BORA: variants seen among roughly 807,000 people sequenced by gnomAD.
The protein encoded by BORA is BORA aurora kinase A activator.
Under a neutral mutation model 55.8 loss-of-function variants are expected in BORA, and 26 were observed. The observed-to-expected ratio is 0.47, with a 90% CI of 0.34 to 0.65. BORA has a LOEUF of 0.65. BORA is among the 30% of genes least tolerant of loss of function. The pLI, the probability that BORA is intolerant of heterozygous loss-of-function variation, is 0.01. For missense variants in BORA, 568 were observed against 671.5 expected (o/e 0.85, Z 1.70); for synonymous variants, 201 against 216.9 (o/e 0.93, Z 0.64).
intron 5 of BORA, among the ~76,000 whole-genome samples, chr13:72,742,258 A>AG (rs57339955): frequency 1.9e-5 from 1 of 53,646 alleles, no homozygotes; most frequent in Non-Finnish European, 3.8e-5. Flanking sequence ...TTTTGGGGGG[A>AG]GGGGGGGTTT....
At chr13:72,740,293 AAAT>A (rs2033009727) in intron 5 of BORA, among the ~76,000 whole-genome samples, 2 of 152,096 alleles carry the variant, frequency 1.3e-5, no homozygotes, top group Admixed American at 6.6e-5. Flanking sequence ...GCTGTGCTGA[AAAT>A]AATAAAGTCC....
In BORA at chr13:72,727,982, C is replaced by T. The variant is rs1342543942; in HGVS notation, c.-41C>T. On this transcript the variant is annotated 5_prime_UTR_variant, in exon 1 of 12. Coordinates refer to ENST00000390667, the MANE Select transcript of BORA (RefSeq NM_024808.5). Reference sequence around the variant, plus strand: ...CCCCCGGAGCTCCCTGGAGTCGGTACTGGGGGCTTCGTTTTGTACGCACCG... The same window carrying T: ...CCCCCGGAGCTCCCTGGAGTCGGTATTGGGGGCTTCGTTTTGTACGCACCG... 1.3e-6 allele frequency: 2 copies of T among 1,549,256 alleles called. No homozygotes were observed. Among genetic ancestry groups the T allele is most frequent in the Non-Finnish European group, 1.7e-6 (2 of 1,146,714 alleles).
In BORA at chr13:72,755,674, T is replaced by C. The variant is rs2033443234; in HGVS notation, c.*458T>C. ...AGAAATCTTAGATATAAAACTAACT[T>C]TTCAAAGATACAAAAGAAATTAAAC... On this transcript the variant is annotated 3_prime_UTR_variant, in exon 12 of 12. Coordinates refer to ENST00000390667, the MANE Select transcript of BORA (RefSeq NM_024808.5). 1 of 391,010 alleles carries C rather than the reference T, an allele frequency of 2.6e-6. No homozygotes were observed. The highest frequency in any genetic ancestry group is 2.1e-5 in the African/African-American group (1 of 48,474). 24.2% of individuals were successfully genotyped at this position (391,010 alleles called of 1,614,324 possible). A position where few individuals can be genotyped will look rare whatever the true frequency, so the allele number is the denominator to read the frequency against.
chr13:72,750,348 AAAG>A (rs1207898451), intron 10 of BORA, among the ~76,000 whole-genome samples: 4 of 152,356 alleles, frequency 2.6e-5, no homozygotes, highest in Non-Finnish European at 4.4e-5. Flanking sequence ...AAGGAAGGTT[AAAG>A]AAGAAGTAAT....
In BORA at chr13:72,729,088, T is replaced by G; in HGVS notation, c.148T>G (p.Leu50Val). The G allele has an allele frequency of 6.4e-7, 1 of 1,557,346 alleles. No homozygotes were observed. Among genetic ancestry groups the G allele is most frequent in the Non-Finnish European group, 8.6e-7 (1 of 1,158,380 alleles). ...TCCTTCTGTTTTTAAATCAACAAAATTACCAGTAAGTTATTCCTGACTAGT... is the reference window on the plus strand; with the variant it reads ...TCCTTCTGTTTTTAAATCAACAAAAGTACCAGTAAGTTATTCCTGACTAGT... ...ASPSVFKSTK[L>V]PTPGKFRWSI... Residue 50 changes from leucine (L) to valine (V), a missense_variant, in exon 2 of 12, where the codon TTA becomes GTA. Physicochemically the swap from Leu to Val is conservative, Grantham distance 32. Coordinates refer to ENST00000390667, the MANE Select transcript of BORA (RefSeq NM_024808.5).
chr13:72,733,405 T>G (rs1438499749), intron 3 of BORA, among the ~76,000 whole-genome samples: 1 of 152,232 alleles, frequency 6.6e-6, no homozygotes, highest in East Asian at 1.9e-4. Context: ...ATATGCATCA[T>G]ACTGGTGTTC....
intron 5 of BORA, among the ~76,000 whole-genome samples, chr13:72,740,641 C>T (rs1593811394): frequency 6.6e-6 from 1 of 152,150 alleles, no homozygotes; most frequent in South Asian, 2.1e-4. Flanking sequence ...ATACTTAAGC[C>T]TTTACTGACC....
chr13:72,741,447 A>T (rs1170054438), intron 5 of BORA, among the ~76,000 whole-genome samples: 2 of 152,184 alleles, frequency 1.3e-5, no homozygotes, highest in African/African-American at 4.8e-5. Flanking sequence ...ATATGTTTCA[A>T]TTGGAGTTGC....
At chr13:72,739,541 G>A (rs990249951) in intron 5 of BORA, among the ~76,000 whole-genome samples, 1 of 152,164 alleles carries the variant, frequency 6.6e-6, no homozygotes, top group Non-Finnish European at 1.5e-5. Flanking sequence ...GAGATAGTGT[G>A]TCCCACCAGA....
chr13:72,736,455 A>G (rs1017706342), intron 4 of BORA, among the ~76,000 whole-genome samples: 4 of 152,136 alleles, frequency 2.6e-5, no homozygotes, highest in African/African-American at 9.7e-5. Flanking sequence ...TTTTCGACAA[A>G]TAGGATTATC....
intron 5 of BORA, 72 bp from the exon 6 acceptor site, chr13:72,743,465 C>A: frequency 9.2e-7 from 1 of 1,086,790 alleles, no homozygotes; most frequent in Non-Finnish European, 1.3e-6. Flanking sequence ...TAATTTTTTA[C>A]TTTGGAAAAA....
At chr13:72,743,173 CAAAGA>C (rs1424388886) in intron 5 of BORA, among the ~76,000 whole-genome samples, 1 of 151,998 alleles carries the variant, frequency 6.6e-6, no homozygotes, top group Non-Finnish European at 1.5e-5. Flanking sequence ...GTTCCCACCA[CAAAGA>C]AAAGTATTTG....
At chr13:72,752,330 T>C (rs150714812) in intron 10 of BORA, 1 of 152,356 alleles carries the variant, frequency 6.6e-6, no homozygotes, top group Non-Finnish European at 1.5e-5. Flanking sequence ...ACAAGGTATC[T>C]GTTGCCTGGT....
chr13:72,728,076 C>T, intron 1 of BORA, 69 bp downstream of exon 1: 1 of 1,543,430 alleles, frequency 6.5e-7, no homozygotes, highest in Non-Finnish European at 8.8e-7. Flanking sequence ...TTCCCAGCTC[C>T]TGACTTGCCT....
intron 1 of BORA, among the ~76,000 whole-genome samples, 198 bp from the exon 2 acceptor site, chr13:72,728,728 A>G (rs978896867): frequency 1.2e-4 from 19 of 152,198 alleles, no homozygotes; most frequent in Non-Finnish European, 2.8e-4. Flanking sequence ...AGTTACTGCT[A>G]TAGCTTTCAA....
At chr13:72,730,719 C>T (rs2032793073) in intron 2 of BORA, among the ~76,000 whole-genome samples, 1 of 151,860 alleles carries the variant, frequency 6.6e-6, no homozygotes, top group African/African-American at 2.4e-5. Context: ...TGTGATTTTT[C>T]TCGTATTACG....
intron 10 of BORA, among the ~76,000 whole-genome samples, chr13:72,747,509 T>C (rs2033174818): frequency 6.6e-6 from 1 of 151,948 alleles, no homozygotes; most frequent in African/African-American, 2.4e-5. Context: ...CTTTATGTGA[T>C]TTAGGGGGGA....
At position 72,744,823 on chromosome 13, in the gene BORA, T is replaced by C. The variant is rs534058486; in HGVS notation, c.512-158T>C. Among the ~76,000 whole-genome samples the C allele has an allele frequency of 5.3e-5, 8 of 152,332 alleles. No individual in the cohort carries two copies. In the South Asian group the frequency reaches 1.7e-3, roughly 32 times the overall value. On this transcript the variant is annotated intron_variant, in intron 7 of 11. Coordinates refer to ENST00000390667, the MANE Select transcript of BORA (RefSeq NM_024808.5). ...GTAGCACTTAAAAACTAAGGAATAA[T>C]TTAAGATGTAAAACATCAAATATGC...
At chr13:72,734,928 C>T in intron 3 of BORA, 32 bp from the exon 4 acceptor site, 1 of 1,459,648 alleles carries the variant, frequency 6.9e-7, no homozygotes, top group Non-Finnish European at 9.5e-7. Context: ...TAAGTAATAG[C>T]ATGGTTATTT....
Sources: allele counts gnomAD v4.1 joint callset (sites outside exome capture counted in the v4.1 genomes callset), GRCh38; gene constraint gnomAD v4.1.1; transcripts MANE v1.5; gene names NCBI Gene and HGNC (gene_info 2026-07-23, HGNC 2026-07-21).